SPATA6L: variants seen among roughly 807,000 people sequenced by gnomAD.
The protein encoded by SPATA6L is spermatogenesis associated 6-like protein.
A neutral mutation model predicts 49.2 loss-of-function variants in SPATA6L; 68 were observed. The observed-to-expected ratio is 1.38, with a 90% confidence interval of 1.14 to 1.69. SPATA6L has a LOEUF of 1.69. Ranked by LOEUF, SPATA6L falls within the 40% of genes most tolerant of loss-of-function variation. SPATA6L has a pLI of 0.00. For synonymous variants in SPATA6L, 198 were observed against 165.7 expected (o/e 1.19, Z -1.50); for missense variants, 668 against 464.3 (o/e 1.44, Z -4.03).
At chr9:4,609,030 A>C (rs1321219838) in intron 9 of SPATA6L, among the ~76,000 whole-genome samples, 1 of 151,130 alleles carries the variant, frequency 6.6e-6, no homozygotes, top group African/African-American at 2.5e-5. Flanking sequence ...CTACGCAAAT[A>C]AACTACAAAA....
chr9:4,611,093 T>A (rs1483906774), intron 9 of SPATA6L, among the ~76,000 whole-genome samples: 16 of 149,264 alleles, frequency 1.1e-4, no homozygotes, highest in Non-Finnish European at 1.3e-4. Context: ...CAAAACCACA[T>A]TGAGATACCA....
At chr9:4,606,161 C>T (rs532100309) in intron 9 of SPATA6L, among the ~76,000 whole-genome samples, 1 of 151,752 alleles carries the variant, frequency 6.6e-6, no homozygotes, top group East Asian at 2.0e-4. Flanking sequence ...CCCACGGAGT[C>T]TCGCTGATTG....
rs1473980955 is a variant in SPATA6L, at chr9:4,662,166, G to A, written c.40-130C>T. On this transcript the variant is annotated intron_variant, in intron 1 of 11. Transcript: ENST00000682582. The surrounding 1 kb of genome is among the most constrained non-coding windows in gnomAD (Gnocchi z 4.9). ...TCCCCATCACCTCACTCCCTCACCT[G>A]TACCTCCCAACGCCAACATCCTCCC... The A allele has an allele frequency of 1.4e-6, 2 of 1,457,946 alleles. No homozygotes were observed. The highest frequency in any genetic ancestry group is 1.4e-5 in the African/African-American group (1 of 70,208). The allele number at this position is 1,457,946 out of a possible 1,614,324, so 90.3% of individuals were successfully genotyped here.
At chr9:4,648,342 C>T (rs1835910010) in intron 3 of SPATA6L, among the ~76,000 whole-genome samples, 2 of 152,134 alleles carry the variant, frequency 1.3e-5, no homozygotes, top group Non-Finnish European at 2.9e-5. Flanking sequence ...TTGATTCAGC[C>T]TCTAAATTCT....
intron 4 of SPATA6L, among the ~76,000 whole-genome samples, chr9:4,630,168 T>C (rs1185285734): frequency 1.3e-5 from 2 of 151,828 alleles, no homozygotes; most frequent in African/African-American, 2.4e-5. Flanking sequence ...TATAAAGGGG[T>C]AACATGAGGG....
chr9:4,642,077 T>C (rs147850289), intron 3 of SPATA6L, among the ~76,000 whole-genome samples: 146 of 152,364 alleles, frequency 9.6e-4, no homozygotes, highest in African/African-American at 3.4e-3. Context: ...CCACATCAAA[T>C]TGTTAATGGT....
At chr9:4,636,619 T>G (rs1832857006) in intron 3 of SPATA6L, among the ~76,000 whole-genome samples, 1 of 152,162 alleles carries the variant, frequency 6.6e-6, no homozygotes, top group African/African-American at 2.4e-5. Context: ...GGCTGCCACT[T>G]TACTTATGAG....
At chr9:4,620,404 T>A (rs1378709479) in intron 7 of SPATA6L, among the ~76,000 whole-genome samples, 1 of 152,182 alleles carries the variant, frequency 6.6e-6, no homozygotes, top group Non-Finnish European at 1.5e-5. Flanking sequence ...GTGCAGTCCA[T>A]AGACCAGCAG....
At chr9:4,664,820 GAACA>G in intron 1 of SPATA6L, 1 of 167,208 alleles carries the variant, frequency 6.0e-6, no homozygotes. Flanking sequence ...AGTGAAAAAG[GAACA>G]GCCATGCCTC....
intron 5 of SPATA6L, chr9:4,626,642 G>T: frequency 9.1e-7 from 1 of 1,104,128 alleles, no homozygotes. Context: ...CCCCTGTTTA[G>T]CCATTTTTAA....
In SPATA6L at chr9:4,605,445, T is replaced by G; in HGVS notation, c.996-5A>C. On this transcript the variant is annotated splice_polypyrimidine_tract_variant and splice_region_variant and intron_variant, in intron 9 of 11. Coordinates refer to ENST00000682582, the MANE Select transcript of SPATA6L (RefSeq NM_001353486.2). ...GACTGAGAACCAGGATGGAACCTGC[T>G]CAACAGATGGAACAGGGTGGAATAT... 1 of 1,609,140 alleles carries G rather than the reference T, an allele frequency of 6.2e-7. No individual in the cohort carries two copies. The highest frequency in any genetic ancestry group is 8.5e-7 in the Non-Finnish European group (1 of 1,175,498).
At chr9:4,656,900 A>G (rs1259099822) in intron 2 of SPATA6L, among the ~76,000 whole-genome samples, 4 of 151,822 alleles carry the variant, frequency 2.6e-5, no homozygotes, top group Non-Finnish European at 4.4e-5. Context: ...AATATTACCT[A>G]TGCGTAACAC....
intron 9 of SPATA6L, among the ~76,000 whole-genome samples, chr9:4,607,032 G>T (rs949606787): frequency 7.3e-5 from 11 of 150,586 alleles, no homozygotes; most frequent in African/African-American, 2.5e-4. Context: ...TCAACTGGAA[G>T]AAAGGGTATC....
intron 9 of SPATA6L, among the ~76,000 whole-genome samples, chr9:4,613,812 GACCTCAAGTGATCCACCC>G (rs919173022): frequency 1.1e-4 from 16 of 152,110 alleles, no homozygotes; most frequent in African/African-American, 3.6e-4. Context: ...TTGAATTCCT[GACCTCAAGTGATCCACCC>G]ACCTCGCTTC....
chr9:4,642,633 G>A (rs908761844), intron 3 of SPATA6L, among the ~76,000 whole-genome samples: 2 of 152,162 alleles, frequency 1.3e-5, no homozygotes, highest in Non-Finnish European at 2.9e-5. Context: ...CCTATCAAAA[G>A]CCTCCTCAGT....
At chr9:4,657,734 G>A (rs1046270790) in intron 2 of SPATA6L, among the ~76,000 whole-genome samples, 3 of 152,104 alleles carry the variant, frequency 2.0e-5, no homozygotes, top group South Asian at 4.1e-4. Flanking sequence ...TTGTTGGAGT[G>A]GAAAGACCCT....
chr9:4,618,409 A>G (rs1255902369), intron 8 of SPATA6L, among the ~76,000 whole-genome samples: 1 of 152,166 alleles, frequency 6.6e-6, no homozygotes, highest in African/African-American at 2.4e-5. Flanking sequence ...TCTGGGAAAA[A>G]TGTAACTTTA....
At chr9:4,608,211 CCACTGTCAA>C (rs1228412694) in intron 9 of SPATA6L, among the ~76,000 whole-genome samples, 1 of 99,094 alleles carries the variant, frequency 1.0e-5, no homozygotes, top group Non-Finnish European at 1.9e-5. Flanking sequence ...CTTTAACACC[CCACTGTCAA>C]CATTAGACAG....
intron 13 of SPATA6L, among the ~76,000 whole-genome samples, chr9:4,590,717 G>A (rs1361286412): frequency 1.3e-5 from 2 of 152,180 alleles, no homozygotes; most frequent in Admixed American, 1.3e-4. Context: ...ATTACCTAGA[G>A]AGAAACTTGC....
Sources: allele counts gnomAD v4.1 joint callset (sites outside exome capture counted in the v4.1 genomes callset), GRCh38; gene constraint gnomAD v4.1.1; non-coding constraint Gnocchi (gnomAD v3.1); transcripts MANE v1.5; gene names NCBI Gene and HGNC (gene_info 2026-07-23, HGNC 2026-07-21).